The following ERC2 variants were observed in gnomAD, a reference collection of about 807,000 sequenced individuals.
ERC2 encodes the protein ELKS/RAB6-interacting/CAST family member 2, also known as ERC protein 2.
In ERC2, 42 loss-of-function variants were observed where a neutral mutation model predicts 114.8. The ratio of observed to expected loss-of-function variants is 0.37; its 90% CI spans 0.29 to 0.47. ERC2 has a LOEUF of 0.47. Among genes scored for constraint, ERC2 ranks in the 20% least tolerant of loss-of-function variants. The pLI is 0.99. For synonymous variants in ERC2, 454 were observed against 425.5 expected (o/e 1.07, Z -0.82); for missense variants, 939 against 1,150.7 (o/e 0.82, Z 2.66).
At chr3:56,195,361 A>C (rs148258121) in intron 3 of ERC2, among the ~76,000 whole-genome samples, 220 of 152,288 alleles carry the variant, frequency 1.4e-3, no homozygotes, top group African/African-American at 4.6e-3. Flanking sequence ...TGAATTGTTT[A>C]TTTCTGGAAT....
intron 17 of ERC2, among the ~76,000 whole-genome samples, chr3:55,626,473 G>A (rs530672387): frequency 1.3e-5 from 2 of 152,292 alleles, no homozygotes; most frequent in South Asian, 4.1e-4. Context: ...TGGAATCCCT[G>A]AGCAATTATC....
chr3:55,894,752 T>C (rs28620756), intron 13 of ERC2, among the ~76,000 whole-genome samples: 52,404 of 152,054 alleles, frequency 0.34, 11,177 homozygotes, highest in African/African-American at 0.6. Flanking sequence ...AATTCTGAGC[T>C]TCAAGTACCT....
At chr3:55,686,332 T>A (rs2062329938) in intron 16 of ERC2, among the ~76,000 whole-genome samples, 1 of 152,210 alleles carries the variant, frequency 6.6e-6, no homozygotes, top group Non-Finnish European at 1.5e-5. Context: ...TTTTTAAAAG[T>A]TTTTAGTTTT....
At chr3:56,227,941 A>T (rs972664205) in intron 3 of ERC2, among the ~76,000 whole-genome samples, 2 of 152,242 alleles carry the variant, frequency 1.3e-5, no homozygotes, top group African/African-American at 4.8e-5. Flanking sequence ...GCACAATAAT[A>T]AAACATAAGT....
At chr3:56,102,071 T>C (rs2078391531) in intron 6 of ERC2, among the ~76,000 whole-genome samples, 1 of 152,238 alleles carries the variant, frequency 6.6e-6, no homozygotes, top group African/African-American at 2.4e-5. Context: ...CTTACGCTCA[T>C]ATTTTATTCA....
At chr3:55,749,118 TGGG>T (rs1479013815) in intron 14 of ERC2, among the ~76,000 whole-genome samples, 1 of 151,574 alleles carries the variant, frequency 6.6e-6, no homozygotes, top group Admixed American at 6.6e-5. Flanking sequence ...AAATTGGAGG[TGGG>T]GGAAGGAGGC....
intron 1 of ERC2, among the ~76,000 whole-genome samples, chr3:56,464,886 G>GA (rs572140708): frequency 0.067 from 9,228 of 137,912 alleles, 386 homozygotes; most frequent in South Asian, 0.22. Context: ...AAAGAAAAAA[G>GA]AAAAAAAAAA....
chr3:55,689,474 G>A (rs541404133), intron 16 of ERC2, among the ~76,000 whole-genome samples: 5 of 152,164 alleles, frequency 3.3e-5, no homozygotes, highest in South Asian at 2.1e-4. Context: ...TGCTAAAAGC[G>A]GAACCATTGC....
chr3:55,821,131 G>A lies in ERC2; in HGVS notation c.2564+67258C>T, dbSNP rs189957801. ...CTGAAAATGAATCCTTTTATGAGGG[G>A]GAGAGGAGAAACCACATCAACTGAA... is the stretch of plus-strand genomic sequence containing the variant. On this transcript the variant is annotated intron_variant, in intron 14 of 17. Transcript: ENST00000288221. Among the ~76,000 whole-genome samples the A allele has an allele frequency of 2.5e-4, 38 of 152,230 alleles. No homozygotes were observed. In the East Asian group the frequency reaches 7.2e-3, roughly 29 times the overall value.
intron 3 of ERC2, among the ~76,000 whole-genome samples, chr3:56,181,169 C>T (rs978038013): frequency 6.6e-6 from 1 of 152,122 alleles, no homozygotes; most frequent in Non-Finnish European, 1.5e-5. Context: ...TTCAATAAAC[C>T]TCTCAGTACA....
chr3:56,040,893 C>T (rs2075153784), intron 7 of ERC2, among the ~76,000 whole-genome samples: 1 of 151,082 alleles, frequency 6.6e-6, no homozygotes, highest in Admixed American at 6.6e-5. Context: ...AGATTAAGTC[C>T]TATTGATCTG....
chr3:56,246,238 G>A (rs897546014), intron 3 of ERC2, among the ~76,000 whole-genome samples: 22 of 151,920 alleles, frequency 1.4e-4, no homozygotes, highest in Middle Eastern at 6.8e-3. Context: ...TCCCAACCTC[G>A]ACATCATTGA....
At chr3:56,377,488 C>T (rs1697308336) in intron 2 of ERC2, among the ~76,000 whole-genome samples, 1 of 152,204 alleles carries the variant, frequency 6.6e-6, no homozygotes, top group Non-Finnish European at 1.5e-5. Flanking sequence ...AGATTATCAT[C>T]TCACTTGTCA....
intron 17 of ERC2, among the ~76,000 whole-genome samples, chr3:55,538,533 G>A (rs2054150949): frequency 6.6e-6 from 1 of 152,214 alleles, no homozygotes. Flanking sequence ...CTGGCAAAAT[G>A]GGATTTTTCC....
At chr3:55,894,029 T>C (rs967548232) in intron 13 of ERC2, among the ~76,000 whole-genome samples, 1 of 152,140 alleles carries the variant, frequency 6.6e-6, no homozygotes, top group Non-Finnish European at 1.5e-5. Flanking sequence ...CTTAGTATAT[T>C]CTTAACACAA....
At chr3:55,940,635 T>C (rs1286873773) in intron 13 of ERC2, among the ~76,000 whole-genome samples, 1 of 152,180 alleles carries the variant, frequency 6.6e-6, no homozygotes, top group East Asian at 1.9e-4. Flanking sequence ...GATATTCAAA[T>C]GTAAGGAATT....
At chr3:56,066,034 A>G (rs1209650105) in intron 7 of ERC2, among the ~76,000 whole-genome samples, 2 of 152,156 alleles carry the variant, frequency 1.3e-5, no homozygotes, top group Admixed American at 1.3e-4. Flanking sequence ...TTTATAGCAG[A>G]ACGATTTATA....
At chr3:55,877,655 G>T (rs1327086784) in intron 14 of ERC2, among the ~76,000 whole-genome samples, 1 of 151,730 alleles carries the variant, frequency 6.6e-6, no homozygotes, top group Non-Finnish European at 1.5e-5. Flanking sequence ...GGGACCACAG[G>T]TACACAACAC....
chr3:56,302,005 T>C (rs1000005325), intron 2 of ERC2, among the ~76,000 whole-genome samples: 22 of 152,096 alleles, frequency 1.4e-4, no homozygotes, highest in African/African-American at 4.1e-4. Flanking sequence ...GCAGTGACAA[T>C]AGCAACAAAA....
Sources: gnomAD v4.1 joint callset for allele counts (sites outside exome capture counted in the v4.1 genomes callset) on GRCh38, gnomAD v4.1.1 for gene constraint, MANE v1.5 for transcripts, NCBI Gene and HGNC (gene_info 2026-07-23, HGNC 2026-07-21) for gene names.